The following SPAM1 variants were observed in gnomAD, a reference collection of about 807,000 sequenced individuals.
SPAM1 encodes sperm adhesion molecule 1.
A neutral mutation model predicts 29.6 loss-of-function variants in SPAM1; 22 were observed. That is an observed-to-expected ratio of 0.74 (90% CI 0.53 to 1.06). SPAM1 has a LOEUF of 1.06. Among genes scored for constraint, SPAM1 ranks in the 50% least tolerant of loss-of-function variants. SPAM1 has a pLI of 0.00. For synonymous variants in SPAM1, 194 were observed against 204.6 expected, an observed-to-expected ratio of 0.95 and a Z score of 0.44; for missense variants, 534 against 604.0, an observed-to-expected ratio of 0.88 and a Z score of 1.21.
intron 1 of SPAM1, among the ~76,000 whole-genome samples, chr7:123,933,893 G>A (rs763930937): frequency 3.3e-5 from 5 of 152,074 alleles, no homozygotes; most frequent in Admixed American, 6.6e-5. Context: ...GGTCCCATAC[G>A]ATTATAGTGG....
chr7:123,966,361 G>A (rs998921322), intron 5 of SPAM1, among the ~76,000 whole-genome samples: 13 of 152,060 alleles, frequency 8.5e-5, no homozygotes, highest in African/African-American at 3.1e-4. Flanking sequence ...AGACAATGTG[G>A]CTATTCCTCA....
At chr7:123,960,056 T>C (rs1295794988), downstream of SPAM1, 6 of 1,498,862 alleles carry the variant, frequency 4.0e-6, no homozygotes, top group Non-Finnish European at 5.3e-6. Context: ...ACAGCTCTTG[T>C]TGAAAGATCA....
intron 4 of SPAM1, among the ~76,000 whole-genome samples, chr7:123,958,808 G>A (rs1337510337): frequency 6.6e-6 from 1 of 151,700 alleles, no homozygotes; most frequent in Non-Finnish European, 1.5e-5. Context: ...CTCCAGCCTG[G>A]GCAACAGAGT....
intron 1 of SPAM1, among the ~76,000 whole-genome samples, chr7:123,937,417 T>C (rs4731132): frequency 0.54 from 82,242 of 151,440 alleles, 22,578 homozygotes; most frequent in South Asian, 0.61. Context: ...CTGGATAACA[T>C]GGTGAAATCC....
intron 5 of SPAM1, among the ~76,000 whole-genome samples, chr7:123,966,772 A>T (rs1403138022): frequency 6.6e-6 from 1 of 151,898 alleles, no homozygotes; most frequent in African/African-American, 2.4e-5. Flanking sequence ...GTATAGGGGG[A>T]GAGCATTAAG....
intron 1 of SPAM1, among the ~76,000 whole-genome samples, chr7:123,941,970 G>A (rs961940544): frequency 6.6e-6 from 1 of 152,080 alleles, no homozygotes; most frequent in African/African-American, 2.4e-5. Context: ...GAGAGGAAGG[G>A]AGAAAAACAA....
In SPAM1 at chr7:123,954,364, T is replaced by C; in HGVS notation, c.794T>C (p.Leu265Ser). The stretch of plus-strand genomic sequence containing the variant: ...ACTGCTCTTTACCCATCCATTTATT[T>C]GAACACTCAGCAGTCTCCTGTAGCT... ...ESTALYPSIYLNTQQSPVAAT... is the reference protein window; with the variant it reads ...ESTALYPSIYSNTQQSPVAAT... The change falls in exon 3 of 5, where the codon TTG (leucine) becomes TCG (serine). Residue 265 changes from leucine (L) to serine (S), a missense_variant. Coordinates refer to ENST00000682466, the MANE Select transcript of SPAM1 (RefSeq NM_153189.3). 1 of 1,613,496 alleles carries C rather than the reference T, an allele frequency of 6.2e-7. No homozygotes were observed. The highest frequency in any genetic ancestry group is 1.1e-5 in the South Asian group (1 of 91,054).
At chr7:123,938,092 T>C (rs1200047520) in intron 1 of SPAM1, among the ~76,000 whole-genome samples, 1 of 152,028 alleles carries the variant, frequency 6.6e-6, no homozygotes, top group African/African-American at 2.4e-5. Context: ...ATGTGCTTTT[T>C]TTTTTTTTTT....
chr7:123,936,378 G>A (rs959940815), intron 1 of SPAM1, among the ~76,000 whole-genome samples: 8 of 152,258 alleles, frequency 5.3e-5, no homozygotes, highest in Middle Eastern at 3.4e-3. Context: ...TTTATTCTTT[G>A]GTAAAAGGAG....
chr7:123,959,454 T>C (rs768012325), intron 4 of SPAM1, 30 bp from the exon 5 acceptor site: 13 of 1,472,716 alleles, frequency 8.8e-6, no homozygotes, highest in Non-Finnish European at 1.2e-5. Flanking sequence ...TGTCCTTTGA[T>C]ATTCTGACTG....
At chr7:123,942,099 T>A (rs1808447474) in intron 1 of SPAM1, among the ~76,000 whole-genome samples, 1 of 152,242 alleles carries the variant, frequency 6.6e-6, no homozygotes, top group African/African-American at 2.4e-5. Context: ...TGCTGTTATT[T>A]TCTTCTAAAG....
At chr7:123,964,593 T>G (rs982607377), downstream of SPAM1, among the ~76,000 whole-genome samples, 10 of 151,958 alleles carry the variant, frequency 6.6e-5, no homozygotes, top group Admixed American at 6.6e-4. Context: ...AGCATGGTGA[T>G]AGCTCATTGT....
rs202132354 is a variant in SPAM1 at position 123,952,422 on chromosome 7, A to G, written c.-206-943A>G. Among the ~76,000 whole-genome samples the G allele has an allele frequency of 6.6e-5, 10 of 152,250 alleles. No individual in the cohort carries two copies. In the East Asian group the frequency reaches 1.7e-3, roughly 27 times the overall value. On this transcript the variant is annotated intron_variant, in intron 2 of 4. Coordinates refer to ENST00000682466, the MANE Select transcript of SPAM1 (RefSeq NM_153189.3). The stretch of plus-strand genomic sequence containing the variant: ...GTGTACTACTAATCTAATTAAAAAG[A>G]AAGTTTCCAATTCCCTCCTAGAATC...
At chr7:123,955,556 G>A (rs995359552) in intron 4 of SPAM1, among the ~76,000 whole-genome samples, 1 of 151,960 alleles carries the variant, frequency 6.6e-6, no homozygotes, top group East Asian at 1.9e-4. Flanking sequence ...TGATGAACAT[G>A]CCATGAAGAA....
In SPAM1 at chr7:123,953,817, G is replaced by A. The variant is rs770976726; in HGVS notation, c.247G>A (p.Ala83Thr). 8 of 1,612,710 alleles carry A rather than the reference G, an allele frequency of 5.0e-6. No homozygotes were observed. Among genetic ancestry groups the A allele is most frequent in the East Asian group, 4.5e-5 (2 of 44,852 alleles). ...FSFIGSPRIN[A>T]TGQGVTIFYV... ...TTTCATAGGAAGCCCCCGAATAAAC[G>A]CCACCGGGCAAGGTGTTACAATATT... The change falls in exon 3 of 5, where the codon GCC (alanine) becomes ACC (threonine). Residue 83 changes from alanine to threonine, a missense_variant. Ala to Thr is a moderately conservative substitution (Grantham distance 58, BLOSUM62 0). Coordinates refer to ENST00000682466, the MANE Select transcript of SPAM1 (RefSeq NM_153189.3).
At chr7:123,967,627 T>A (rs553801404) in intron 5 of SPAM1, among the ~76,000 whole-genome samples, 1 of 151,926 alleles carries the variant, frequency 6.6e-6, no homozygotes, top group African/African-American at 2.4e-5. Context: ...GGTGTATGCA[T>A]GTGTGTGTGA....
intron 1 of SPAM1, among the ~76,000 whole-genome samples, chr7:123,930,531 A>G (rs913716717): frequency 6.6e-6 from 1 of 152,196 alleles, no homozygotes; most frequent in Non-Finnish European, 1.5e-5. Context: ...TTTCACAAAC[A>G]TTGTAAGAAT....
At chr7:123,933,651 A>G (rs1808158627) in intron 1 of SPAM1, among the ~76,000 whole-genome samples, 1 of 152,216 alleles carries the variant, frequency 6.6e-6, no homozygotes, top group Non-Finnish European at 1.5e-5. Flanking sequence ...TCTTCTTATG[A>G]GAAAGGGTTT....
intron 1 of SPAM1, among the ~76,000 whole-genome samples, chr7:123,927,622 T>C (rs4731129): frequency 0.16 from 24,113 of 152,116 alleles, 2,085 homozygotes; most frequent in Non-Finnish European, 0.18. Flanking sequence ...CATCCACTGA[T>C]GTTTAGATAT....
Sources: gnomAD v4.1 joint callset for allele counts (sites outside exome capture counted in the v4.1 genomes callset) on GRCh38, gnomAD v4.1.1 for gene constraint, MANE v1.5 for transcripts, NCBI Gene and HGNC (gene_info 2026-07-23, HGNC 2026-07-21) for gene names.